TAOK1: variants seen among roughly 807,000 people sequenced by gnomAD.
TAOK1 encodes the protein TAO kinase 1, also known as serine/threonine-protein kinase TAO1.
A neutral mutation model predicts 138.3 loss-of-function variants in TAOK1; 21 were observed. The ratio of observed to expected loss-of-function variants is 0.15; its 90% CI spans 0.11 to 0.22. TAOK1 has a LOEUF of 0.22. Ranked by LOEUF, TAOK1 falls within the 10% of genes least tolerant of loss-of-function variation. The pLI, the probability that TAOK1 is intolerant of heterozygous loss-of-function variation, is 1.00. For synonymous variants in TAOK1, 361 were observed against 398.4 expected, an observed-to-expected ratio of 0.91 and a Z score of 1.12; for missense variants, 651 against 1,227.7, an observed-to-expected ratio of 0.53 and a Z score of 7.02.
rs558685886 is a variant in TAOK1, at chr17:29,495,520, T to C, written c.832-40T>C. The stretch of plus-strand genomic sequence containing the variant: ...CTGAGAAGGAGTACCTTGTCACTAA[T>C]TGAAAAAAAAATCAACCTTTTACCT... On this transcript the variant is annotated intron_variant, in intron 10 of 19. Coordinates refer to ENST00000261716, the MANE Select transcript of TAOK1 (RefSeq NM_020791.4). 2.6e-6 allele frequency: 4 copies of C among 1,520,916 alleles called. No homozygotes were observed. In the Admixed American group the frequency reaches 6.0e-5, roughly 23 times the overall value. The allele number at this position is 1,520,916 out of a possible 1,614,324, so 94.2% of individuals were successfully genotyped here.
chr17:29,527,612 G>A (rs138106618), intron 17 of TAOK1, among the ~76,000 whole-genome samples: 323 of 152,308 alleles, frequency 2.1e-3, no homozygotes, highest in African/African-American at 7.5e-3. Context: ...ATTTAATGTT[G>A]TAGTATTGAG....
chr17:29,489,874 TA>T (rs2031261115), intron 9 of TAOK1, 117 bp downstream of exon 9: 1 of 568,632 alleles, frequency 1.8e-6, no homozygotes, highest in African/African-American at 2.0e-5. Flanking sequence ...TATAAGATAT[TA>T]AAATAGATGT....
At position 29,488,575 on chromosome 17, in the gene TAOK1, A is replaced by AT. The variant is rs1261204941; in HGVS notation, c.656-1089_656-1088insT. ...CAACAAGAGTGAAACCACATCTCAA[A>AT]AAATAATAATAATAATAATAATAAT... On this transcript the variant is annotated intron_variant, in intron 8 of 19. Coordinates refer to ENST00000261716, the MANE Select transcript of TAOK1 (RefSeq NM_020791.4). Among the ~76,000 whole-genome samples, 109 of 130,082 alleles carry AT rather than the reference A, an allele frequency of 8.4e-4. 2 individuals carry two copies. The East Asian group carries it at 0.01, about 12-fold the overall frequency. The allele number at this position is 130,082 out of a possible 152,430, so 85.3% of individuals were successfully genotyped here.
At chr17:29,468,090 A>ATGCTGGGATTACAG (rs1195518403) in intron 3 of TAOK1, among the ~76,000 whole-genome samples, 8 of 140,844 alleles carry the variant, frequency 5.7e-5, no homozygotes, top group Admixed American at 2.9e-4. Flanking sequence ...GCCTCCCAAA[A>ATGCTGGGATTACAG]TGCTGGGATT....
chr17:29,520,887 G>T (rs542190244), intron 16 of TAOK1, among the ~76,000 whole-genome samples: 5 of 151,988 alleles, frequency 3.3e-5, no homozygotes, highest in African/African-American at 9.6e-5. Flanking sequence ...AGCCAGGCGT[G>T]GTGGCACATG....
chr17:29,497,437 T>C (rs1397043146), intron 11 of TAOK1, among the ~76,000 whole-genome samples: 5 of 152,124 alleles, frequency 3.3e-5, no homozygotes, highest in Non-Finnish European at 7.4e-5. Flanking sequence ...ACAACATCTG[T>C]GTTAGGCTGG....
intron 3 of TAOK1, among the ~76,000 whole-genome samples, chr17:29,472,024 T>G (rs1205348409): frequency 2.0e-5 from 3 of 152,190 alleles, no homozygotes; most frequent in Non-Finnish European, 2.9e-5. Flanking sequence ...TCCTGCTGTT[T>G]CCACCACATC....
chr17:29,533,706 C>T (rs1274244764), intron 18 of TAOK1, among the ~76,000 whole-genome samples: 5 of 151,648 alleles, frequency 3.3e-5, no homozygotes, highest in Admixed American at 6.6e-5. Flanking sequence ...TCAGGCGTGG[C>T]GGCGCGCGCC....
At position 29,547,908 on chromosome 17, in the gene TAOK1, T is replaced by A. The variant is rs555635228; in HGVS notation, c.*4886T>A. 2 of 152,128 alleles carry A rather than the reference T, an allele frequency of 1.3e-5. No homozygotes were observed. Among genetic ancestry groups the A allele is most frequent in the African/African-American group, 4.8e-5 (2 of 41,446 alleles). 9.4% of individuals were successfully genotyped at this position (152,128 alleles called of 1,614,324 possible). A position where few individuals can be genotyped will look rare whatever the true frequency, so the allele number is the denominator to read the frequency against. On this transcript the variant is annotated 3_prime_UTR_variant, in exon 20 of 20. Coordinates refer to ENST00000261716, the MANE Select transcript of TAOK1 (RefSeq NM_020791.4). ...CCTCTTGTATGCAAGGACTACTGAT[T>A]GAAGTCTGTTTTGCTGTGTCTGGTT...
Position 29,495,580 on chromosome 17 carries a change from G to A in TAOK1, c.852G>A (p.Glu284=). 6.2e-7 allele frequency: 1 copy of A among 1,600,042 alleles called. No individual in the cohort carries two copies. The highest frequency in any genetic ancestry group is 8.5e-7 in the Non-Finnish European group (1 of 1,171,820). Residue 284 remains glutamate, a synonymous_variant, in exon 11 of 20, where the codon GAG becomes GAA. Transcript: ENST00000261716. ...ELLKHIFVLR[E]RPETVLIDLI... ...TCTAGCACATATTTGTTCTTCGGGA[G>A]CGCCCTGAAACCGTGTTAATAGATC...
Position 29,480,351 on chromosome 17 carries a change from G to T in TAOK1, c.450-17G>T, listed in dbSNP as rs767157503. ...TTGAGGGAAAGTTAAGTAATTTTCT[G>T]TATTCCCTAAACCTAGAGATATCAA... On this transcript the variant is annotated splice_polypyrimidine_tract_variant and intron_variant, in intron 6 of 19. Transcript: ENST00000261716. 10 of 1,572,120 alleles carry T rather than the reference G, an allele frequency of 6.4e-6. No individual in the cohort carries two copies. The South Asian group carries it at 7.9e-5, about 12-fold the overall frequency.
At chr17:29,525,176 G>A (rs944359896) in intron 17 of TAOK1, among the ~76,000 whole-genome samples, 3 of 151,936 alleles carry the variant, frequency 2.0e-5, no homozygotes, top group African/African-American at 4.8e-5. Context: ...GCAATGGCAC[G>A]ATCTCAGCTC....
At chr17:29,446,022 A>C (rs921114108) in intron 1 of TAOK1, among the ~76,000 whole-genome samples, 15 of 152,224 alleles carry the variant, frequency 9.9e-5, no homozygotes, top group Middle Eastern at 3.4e-3. Flanking sequence ...TAATTTGTCC[A>C]TTTCATCTGT....
At chr17:29,495,463 C>T (rs780360929) in intron 10 of TAOK1, 97 bp from the exon 11 acceptor site, 81 of 936,842 alleles carry the variant, frequency 8.6e-5, no homozygotes, top group Non-Finnish European at 1.2e-4. Context: ...AGATTACATG[C>T]ATTATCTATC....
chr17:29,462,987 C>T (rs2030567127), intron 2 of TAOK1, among the ~76,000 whole-genome samples: 2 of 152,122 alleles, frequency 1.3e-5, no homozygotes, highest in African/African-American at 2.4e-5. Context: ...TTCTGTTCTA[C>T]ACAGTGTTTT....
intron 1 of TAOK1, among the ~76,000 whole-genome samples, chr17:29,401,715 G>C (rs1904848997): frequency 6.6e-6 from 1 of 151,962 alleles, no homozygotes; most frequent in Non-Finnish European, 1.5e-5. Flanking sequence ...AGTGCAGTGG[G>C]GTGATCATGG....
At chr17:29,419,090 C>T (rs1361734217) in intron 1 of TAOK1, among the ~76,000 whole-genome samples, 3 of 151,982 alleles carry the variant, frequency 2.0e-5, no homozygotes, top group Admixed American at 1.3e-4. Context: ...TAGTACATTT[C>T]TTCATTTATT....
intron 3 of TAOK1, among the ~76,000 whole-genome samples, chr17:29,472,309 A>G (rs1450598400): frequency 6.6e-6 from 1 of 150,874 alleles, no homozygotes; most frequent in Non-Finnish European, 1.5e-5. Context: ...CTGGAGTGCA[A>G]TGGCATGATC....
At chr17:29,409,354 A>G (rs1232380253) in intron 1 of TAOK1, among the ~76,000 whole-genome samples, 1 of 65,388 alleles carries the variant, frequency 1.5e-5, no homozygotes, top group East Asian at 3.2e-4. Flanking sequence ...TTTTTTTTTG[A>G]GATGGAGTCT....
Sources: gnomAD v4.1 joint callset for allele counts (sites outside exome capture counted in the v4.1 genomes callset) on GRCh38, gnomAD v4.1.1 for gene constraint, MANE v1.5 for transcripts, NCBI Gene and HGNC (gene_info 2026-07-23, HGNC 2026-07-21) for gene names.